RIMKLA: variants seen among roughly 807,000 people sequenced by gnomAD.
RIMKLA encodes the protein ribosomal modification protein rimK like family member A, also known as N-acetylaspartylglutamate synthase A.
Under a neutral mutation model 32.7 loss-of-function variants are expected in RIMKLA, and 14 were observed. The observed-to-expected ratio is 0.43, with a 90% CI of 0.28 to 0.67. RIMKLA has a LOEUF of 0.67. Among genes scored for constraint, RIMKLA ranks in the 30% least tolerant of loss-of-function variants. The pLI is 0.18. For synonymous variants in RIMKLA, 176 were observed against 204.1 expected (o/e 0.86, Z 1.18); for missense variants, 410 against 519.0 (o/e 0.79, Z 2.04).
chr1:42,383,359 G>T (rs931518524), intron 1 of RIMKLA, among the ~76,000 whole-genome samples: 4 of 152,208 alleles, frequency 2.6e-5, no homozygotes, highest in African/African-American at 4.8e-5. Context: ...CCAAAGATTT[G>T]TTATGGAAGT....
chr1:42,399,706 CT>C (rs992400681), intron 2 of RIMKLA, 72 bp downstream of exon 2: 2 of 921,528 alleles, frequency 2.2e-6, no homozygotes, highest in Non-Finnish European at 3.3e-6. Context: ...CTTCTAGTAT[CT>C]TTGTTGCTTT....
chr1:42,401,988 G>C (rs1432187735), intron 2 of RIMKLA, among the ~76,000 whole-genome samples: 1 of 152,138 alleles, frequency 6.6e-6, no homozygotes, highest in East Asian at 1.9e-4. Flanking sequence ...GAAAAGAAAG[G>C]AAGGAAGGAT....
At chr1:42,393,291 G>T (rs960335821) in intron 1 of RIMKLA, among the ~76,000 whole-genome samples, 2 of 152,128 alleles carry the variant, frequency 1.3e-5, no homozygotes, top group African/African-American at 4.8e-5. Context: ...AATATTCCCT[G>T]AATGAATATG....
chr1:42,390,061 C>CG (rs1642987707), intron 1 of RIMKLA, among the ~76,000 whole-genome samples: 1 of 112,928 alleles, frequency 8.9e-6, no homozygotes, highest in Non-Finnish European at 1.7e-5. Context: ...TTTTTTGAGA[C>CG]GGAGTATCGC....
In RIMKLA at chr1:42,415,161, T is replaced by C; in HGVS notation, c.*187T>C. ...TTTGTGGTTTTTACAAAGACAAATA[T>C]AAAAACACTCAAGAACAACGTCCCG... is the stretch of plus-strand genomic sequence containing the variant. On this transcript the variant is annotated 3_prime_UTR_variant, in exon 5 of 5. Transcript: ENST00000431473. 1 of 577,614 alleles carries C rather than the reference T, an allele frequency of 1.7e-6. No individual in the cohort carries two copies. Among genetic ancestry groups the C allele is most frequent in the Non-Finnish European group, 2.9e-6 (1 of 343,786 alleles). 35.8% of individuals were successfully genotyped at this position (577,614 alleles called of 1,614,324 possible).
chr1:42,394,149 G>T (rs1415343017), intron 1 of RIMKLA, among the ~76,000 whole-genome samples: 1 of 152,200 alleles, frequency 6.6e-6, no homozygotes, highest in Non-Finnish European at 1.5e-5. Flanking sequence ...GCCAGCCACT[G>T]TTACATGATC....
At chr1:42,407,473 T>G (rs1643157590) in intron 3 of RIMKLA, among the ~76,000 whole-genome samples, 1 of 152,196 alleles carries the variant, frequency 6.6e-6, no homozygotes, top group Admixed American at 6.5e-5. Flanking sequence ...CCTTTGAGTC[T>G]TTGATACATT....
In RIMKLA at chr1:42,419,158, A is replaced by G. The variant is rs1202294642; in HGVS notation, c.*4184A>G. On this transcript the variant is annotated 3_prime_UTR_variant, in exon 5 of 5. Coordinates refer to ENST00000431473, the MANE Select transcript of RIMKLA (RefSeq NM_173642.4). ...TATAATCTTTTCCTAAAACTAAATC[A>G]TGCCTCCATTCCAGGTCTATGGCTA... 5 of 152,308 alleles carry G rather than the reference A, an allele frequency of 3.3e-5. No individual in the cohort carries two copies. The East Asian group carries it at 9.7e-4, about 29-fold the overall frequency. 9.4% of individuals were successfully genotyped at this position (152,308 alleles called of 1,614,324 possible). A position where few individuals can be genotyped will look rare whatever the true frequency, so the allele number is the denominator to read the frequency against.
chr1:42,404,490 AC>A lies in RIMKLA; in HGVS notation c.395-20del. 6.4e-7 allele frequency: 1 copy of A among 1,573,516 alleles called. No homozygotes were observed. On this transcript the variant is annotated intron_variant, in intron 2 of 4. Transcript: ENST00000431473. The stretch of plus-strand genomic sequence containing the variant: ...CTGACTATCAGCCTTACCTTCACTG[AC>A]TTTCACCTTTTCTTGGCAGGTGGGC...
At chr1:42,393,822 C>G (rs899781915) in intron 1 of RIMKLA, among the ~76,000 whole-genome samples, 2 of 152,146 alleles carry the variant, frequency 1.3e-5, no homozygotes, top group African/African-American at 2.4e-5. Context: ...TCACTCTTGT[C>G]CCCCAGGGCT....
chr1:42,398,738 G>A (rs964673878), intron 1 of RIMKLA, among the ~76,000 whole-genome samples: 6 of 152,228 alleles, frequency 3.9e-5, no homozygotes, highest in African/African-American at 1.2e-4. Flanking sequence ...AGGCTGAGGC[G>A]AGTGAACTGC....
At position 42,415,170 on chromosome 1, in the gene RIMKLA, T is replaced by TTA; in HGVS notation, c.*196_*197insTA. On this transcript the variant is annotated 3_prime_UTR_variant, in exon 5 of 5. Transcript: ENST00000431473. Reference sequence around the variant, plus strand: ...TTTACAAAGACAAATATAAAAACACTCAAGAACAACGTCCCGACTGATCAG... The same window carrying TTA: ...TTTACAAAGACAAATATAAAAACACTTACAAGAACAACGTCCCGACTGATCAG... 3.3e-6 allele frequency: 2 copies of TTA among 597,496 alleles called. No homozygotes were observed. Among genetic ancestry groups the TTA allele is most frequent in the South Asian group, 2.1e-5 (1 of 47,016 alleles). 37.0% of individuals were successfully genotyped at this position (597,496 alleles called of 1,614,324 possible). A position where few individuals can be genotyped will look rare whatever the true frequency, so the allele number is the denominator to read the frequency against.
In RIMKLA at chr1:42,415,899, T is replaced by C. The variant is rs532399310; in HGVS notation, c.*925T>C. ...TCCCCTCCTCTACTGAAACTTTGTG[T>C]ACTGCTTAGCTGTAGGGGGTTTTCT... is the stretch of plus-strand genomic sequence containing the variant. On this transcript the variant is annotated 3_prime_UTR_variant, in exon 5 of 5. Coordinates refer to ENST00000431473, the MANE Select transcript of RIMKLA (RefSeq NM_173642.4). 6.6e-6 allele frequency: 1 copy of C among 152,372 alleles called. No individual in the cohort carries two copies. Among genetic ancestry groups the C allele is most frequent in the South Asian group, 2.1e-4 (1 of 4,826 alleles). 9.4% of individuals were successfully genotyped at this position (152,372 alleles called of 1,614,324 possible). A position where few individuals can be genotyped will look rare whatever the true frequency, so the allele number is the denominator to read the frequency against.
intron 3 of RIMKLA, among the ~76,000 whole-genome samples, chr1:42,408,159 G>A (rs1293470714): frequency 2.6e-5 from 4 of 152,086 alleles, no homozygotes; most frequent in African/African-American, 7.2e-5. Context: ...ATGCTGCATC[G>A]TCCACACTTG....
chr1:42,398,500 G>A (rs553315518), intron 1 of RIMKLA, among the ~76,000 whole-genome samples: 16 of 152,254 alleles, frequency 1.1e-4, no homozygotes, highest in African/African-American at 3.9e-4. Flanking sequence ...AAAATATAAA[G>A]AAGACATTAC....
Position 42,387,383 on chromosome 1 carries a change from C to T in RIMKLA, c.163+6286C>T, listed in dbSNP as rs374589604. 2.6e-3 allele frequency among the ~76,000 whole-genome samples: 369 copies of T among 143,730 alleles called. 3 individuals are homozygous for T. Among genetic ancestry groups the T allele is most frequent in the Middle Eastern group, 0.014 (4 of 280 alleles). 94.3% of individuals were successfully genotyped at this position (143,730 alleles called of 152,430 possible). On this transcript the variant is annotated intron_variant, in intron 1 of 4. Coordinates refer to ENST00000431473, the MANE Select transcript of RIMKLA (RefSeq NM_173642.4). ...CTGCTCTCCAGCCTGGGCAATAGAGCGAGACCCTGTTTCAAAAAAAAAAAT... is the reference window on the plus strand; with the variant it reads ...CTGCTCTCCAGCCTGGGCAATAGAGTGAGACCCTGTTTCAAAAAAAAAAAT...
Position 42,393,971 on chromosome 1 carries a change from G to A in RIMKLA, c.164-5433G>A, listed in dbSNP as rs533159930. Among the ~76,000 whole-genome samples, 14 of 152,322 alleles carry A rather than the reference G, an allele frequency of 9.2e-5. No individual in the cohort carries two copies. The South Asian group carries it at 2.7e-3, about 29-fold the overall frequency. On this transcript the variant is annotated intron_variant, in intron 1 of 4. Transcript: ENST00000431473. ...AACTAATTTTTGTATTTTAGGCAGAGACAGGGTTTCATCATGTTGGCCAGC... is the reference window on the plus strand; with the variant it reads ...AACTAATTTTTGTATTTTAGGCAGAAACAGGGTTTCATCATGTTGGCCAGC...
Position 42,399,471 on chromosome 1 carries a change from C to T in RIMKLA, c.231C>T (p.Pro77=). Residue 77 remains proline (P), a synonymous_variant, in exon 2 of 5, where the codon CCC becomes CCT. Transcript: ENST00000431473. ...TGGTGCTTGTACGGGTACCCACACC[C>T]TCAGTGCAGTCAGACAGTGACATCA... ...PDVVLVRVPT[P]SVQSDSDITV... 6.2e-7 allele frequency: 1 copy of T among 1,613,520 alleles called. No individual in the cohort carries two copies. Among genetic ancestry groups the T allele is most frequent in the Non-Finnish European group, 8.5e-7 (1 of 1,179,788 alleles).
At chr1:42,389,552 C>T (rs1642978612) in intron 1 of RIMKLA, among the ~76,000 whole-genome samples, 1 of 152,200 alleles carries the variant, frequency 6.6e-6, no homozygotes, top group African/African-American at 2.4e-5. Flanking sequence ...TGACTCTTGC[C>T]TGTAATTCCA....
Sources: gnomAD v4.1 joint callset for allele counts (sites outside exome capture counted in the v4.1 genomes callset) on GRCh38, gnomAD v4.1.1 for gene constraint, MANE v1.5 for transcripts, NCBI Gene and HGNC (gene_info 2026-07-23, HGNC 2026-07-21) for gene names.